SNTG1: variants seen among roughly 807,000 people sequenced by gnomAD.
SNTG1 encodes gamma-1-syntrophin.
SNTG1 carries 39 observed loss-of-function variants against 74.7 expected under a neutral mutation model. The ratio of observed to expected loss-of-function variants is 0.52; its 90% CI spans 0.40 to 0.68. SNTG1 has a LOEUF of 0.68. Ranked by LOEUF, SNTG1 falls within the 30% of genes least tolerant of loss-of-function variation. The probability of loss-of-function intolerance (pLI) is 0.00; values close to 1 mark genes in which losing one functional copy is unlikely to be tolerated. For missense variants in SNTG1, 685 were observed against 609.5 expected, an observed-to-expected ratio of 1.12 and a Z score of -1.30; for synonymous variants, 254 against 217.1, an observed-to-expected ratio of 1.17 and a Z score of -1.49.
chr8:50,136,565 C>A lies in SNTG1; in HGVS notation c.-102-35996C>A, dbSNP rs556123599. 6.8e-4 allele frequency among the ~76,000 whole-genome samples: 103 copies of A among 152,216 alleles called. 2 individuals are homozygous for A. In the Middle Eastern group the frequency reaches 0.01, roughly 15 times the overall value. ...TGAATTCAGCTAAAGGGCACAGACT[C>A]CTTTTGTCCTGAGAAACACCTGAAT... On this transcript the variant is annotated intron_variant, in intron 1 of 18. Coordinates refer to ENST00000642720, the MANE Select transcript of SNTG1 (RefSeq NM_018967.5).
At chr8:50,517,491 C>T (rs1269601587) in intron 9 of SNTG1, among the ~76,000 whole-genome samples, 2 of 151,788 alleles carry the variant, frequency 1.3e-5, no homozygotes, top group African/African-American at 2.4e-5. Context: ...AAGATACAGA[C>T]TAGCAAATTG....
intron 12 of SNTG1, among the ~76,000 whole-genome samples, chr8:50,555,917 A>G (rs964534175): frequency 6.6e-6 from 1 of 152,194 alleles, no homozygotes; most frequent in Non-Finnish European, 1.5e-5. Flanking sequence ...ACAAAAAACG[A>G]AAAACAACCT....
In SNTG1 at chr8:50,144,724, C is replaced by A. The variant is rs542153915; in HGVS notation, c.-102-27837C>A. Among the ~76,000 whole-genome samples, 49 of 152,088 alleles carry A rather than the reference C, an allele frequency of 3.2e-4. 1 individual carries two copies. The highest frequency in any genetic ancestry group is 1.2e-3 in the African/African-American group (48 of 41,504). On this transcript the variant is annotated intron_variant, in intron 1 of 18. Transcript: ENST00000642720. Reference sequence around the variant, plus strand: ...CAGGCGACTGAGTGGGCAGGAGGAGCGGCTGTAGATTGGGAGTTGAGCAGT... The same window carrying A: ...CAGGCGACTGAGTGGGCAGGAGGAGAGGCTGTAGATTGGGAGTTGAGCAGT...
chr8:50,548,431 C>T (rs189950544), intron 11 of SNTG1, among the ~76,000 whole-genome samples: 8 of 152,158 alleles, frequency 5.3e-5, no homozygotes, highest in Admixed American at 2.6e-4. Flanking sequence ...TGTGAGAATT[C>T]AAGTCTGACA....
intron 1 of SNTG1, among the ~76,000 whole-genome samples, chr8:50,152,246 T>C (rs554992378): frequency 6.6e-6 from 1 of 152,316 alleles, no homozygotes; most frequent in East Asian, 1.9e-4. Context: ...CATTTTTTGT[T>C]TTCCATTTGC....
rs1563766813 is a variant in SNTG1 at position 50,226,663 on chromosome 8, G to GT, written c.-28+54028_-28+54029insT. Among the ~76,000 whole-genome samples the GT allele has an allele frequency of 3.3e-5, 5 of 151,854 alleles. No homozygotes were observed. The South Asian group carries it at 1.0e-3, about 32-fold the overall frequency. ...GTTTAAATTTACCTATAATCTGGAA[G>GT]CCCCCCCACCCACTTTGGGTTGTCA... On this transcript the variant is annotated intron_variant, in intron 2 of 18. Coordinates refer to ENST00000642720, the MANE Select transcript of SNTG1 (RefSeq NM_018967.5).
At position 49,951,873 on chromosome 8, in the gene SNTG1, C is replaced by CAAAAAAAAAAAAA. The variant is rs5891338; in HGVS notation, c.-103+39661_-103+39673dup. Among the ~76,000 whole-genome samples, 55 of 56,300 alleles carry CAAAAAAAAAAAAA rather than the reference C, an allele frequency of 9.8e-4. 1 individual carries two copies. The highest frequency in any genetic ancestry group is 1.3e-3 in the East Asian group (2 of 1,542). 36.9% of individuals were successfully genotyped at this position (56,300 alleles called of 152,430 possible). A position where few individuals can be genotyped will look rare whatever the true frequency, so the allele number is the denominator to read the frequency against. The stretch of plus-strand genomic sequence containing the variant: ...AACAGAAGGAAATCTGGAAAATTCA[C>CAAAAAAAAAAAAA]AAAAAAAAAAAAAAAAAAAAAAAAA... On this transcript the variant is annotated intron_variant, in intron 1 of 18. Coordinates refer to ENST00000642720, the MANE Select transcript of SNTG1 (RefSeq NM_018967.5).
At chr8:50,664,617 A>G (rs1034893099) in intron 15 of SNTG1, among the ~76,000 whole-genome samples, 1 of 152,178 alleles carries the variant, frequency 6.6e-6, no homozygotes, top group African/African-American at 2.4e-5. Flanking sequence ...CTCTCTGGGC[A>G]CCATGATCAC....
At chr8:49,975,295 T>C (rs1373409909) in intron 1 of SNTG1, among the ~76,000 whole-genome samples, 2 of 152,226 alleles carry the variant, frequency 1.3e-5, no homozygotes, top group East Asian at 1.9e-4. Flanking sequence ...TTACCTATAG[T>C]AGTGCTGGAT....
intron 1 of SNTG1, among the ~76,000 whole-genome samples, chr8:49,993,699 C>A (rs1813906681): frequency 6.6e-6 from 1 of 152,120 alleles, no homozygotes; most frequent in Admixed American, 6.5e-5. Context: ...AGAATGATGG[C>A]TTCCAGCTTC....
intron 1 of SNTG1, among the ~76,000 whole-genome samples, chr8:49,959,917 A>G (rs1256383468): frequency 6.6e-6 from 1 of 152,216 alleles, no homozygotes; most frequent in Admixed American, 6.5e-5. Context: ...GAGGATTTCT[A>G]GTTTAACCCT....
chr8:50,323,805 C>T lies in SNTG1; in HGVS notation c.-27-70407C>T, dbSNP rs557687662. The stretch of plus-strand genomic sequence containing the variant: ...CTTCAGGGTGGCAAGATCCCCAGTC[C>T]CTGAACATGTCCAGAGATGCTATCT... On this transcript the variant is annotated intron_variant, in intron 2 of 18. Transcript: ENST00000642720. Among the ~76,000 whole-genome samples the T allele has an allele frequency of 7.9e-5, 12 of 151,888 alleles. 1 individual carries two copies. The highest frequency in any genetic ancestry group is 2.9e-4 in the African/African-American group (12 of 41,510).
chr8:50,730,583 C>T (rs1157936029), intron 17 of SNTG1, among the ~76,000 whole-genome samples: 1 of 152,108 alleles, frequency 6.6e-6, no homozygotes, highest in Non-Finnish European at 1.5e-5. Context: ...CTAGAACTAG[C>T]AGTCAGCATA....
intron 15 of SNTG1, among the ~76,000 whole-genome samples, chr8:50,671,640 T>A (rs1257370213): frequency 6.6e-6 from 1 of 152,100 alleles, no homozygotes; most frequent in Non-Finnish European, 1.5e-5. Flanking sequence ...GTGTGGTGAT[T>A]CCTCAGAGAT....
intron 8 of SNTG1, among the ~76,000 whole-genome samples, chr8:50,493,043 T>C (rs1397266135): frequency 6.6e-6 from 1 of 152,098 alleles, no homozygotes; most frequent in African/African-American, 2.4e-5. Context: ...TTGACAAACC[T>C]GACAAAAACA....
intron 2 of SNTG1, among the ~76,000 whole-genome samples, chr8:50,310,380 C>T (rs1272034001): frequency 1.3e-5 from 2 of 152,096 alleles, no homozygotes; most frequent in Admixed American, 6.6e-5. Flanking sequence ...CTTAAACAGT[C>T]GCAATTTTAT....
At chr8:50,780,953 CA>C (rs1437471998) in intron 18 of SNTG1, among the ~76,000 whole-genome samples, 1 of 152,094 alleles carries the variant, frequency 6.6e-6, no homozygotes, top group African/African-American at 2.4e-5. Context: ...GCCTTTATTT[CA>C]TTACGTACCG....
chr8:50,675,275 C>CCAT (rs2095304726), intron 15 of SNTG1, among the ~76,000 whole-genome samples: 1 of 151,656 alleles, frequency 6.6e-6, no homozygotes, highest in Non-Finnish European at 1.5e-5. Flanking sequence ...TTAAAGTCTC[C>CCAT]TATTATTATG....
intron 4 of SNTG1, among the ~76,000 whole-genome samples, chr8:50,422,277 A>ATCTATCTATCTGTCTG (rs759085505): frequency 5.3e-4 from 80 of 151,692 alleles, no homozygotes; most frequent in African/African-American, 1.8e-3. Flanking sequence ...TCTACTATCT[A>ATCTATCTATCTGTCTG]TCTATCTATG....
Sources: gnomAD v4.1 joint callset for allele counts (sites outside exome capture counted in the v4.1 genomes callset) on GRCh38, gnomAD v4.1.1 for gene constraint, MANE v1.5 for transcripts, NCBI Gene and HGNC (gene_info 2026-07-23, HGNC 2026-07-21) for gene names.